The following ARFGEF3 variants were observed in gnomAD, a reference collection of about 807,000 sequenced individuals.
ARFGEF3 encodes brefeldin A-inhibited guanine nucleotide-exchange protein 3.
Under a neutral mutation model 221.7 loss-of-function variants are expected in ARFGEF3, and 96 were observed. The ratio of observed to expected loss-of-function variants is 0.43; its 90% CI spans 0.37 to 0.51. The LOEUF is 0.51. Ranked by LOEUF, ARFGEF3 falls within the 20% of genes least tolerant of loss-of-function variation. The pLI, the probability that ARFGEF3 is intolerant of heterozygous loss-of-function variation, is 0.00. For missense variants in ARFGEF3, 2,410 were observed against 2,789.9 expected (o/e 0.86, Z 3.07); for synonymous variants, 1,145 against 1,126.8 (o/e 1.02, Z -0.32).
intron 25 of ARFGEF3, among the ~76,000 whole-genome samples, chr6:138,313,004 C>T (rs1221165891): frequency 6.6e-6 from 1 of 152,170 alleles, no homozygotes; most frequent in Admixed American, 6.5e-5. Context: ...CCCACCAGGC[C>T]CAGCCTTCAC....
rs777291622 is a variant in ARFGEF3, at chr6:138,263,481, G to A, written c.1998G>A (p.Gln666=). ...TGTCTCTAAAACTGCTGAAGAACCA[G>A]GAGGCGGATCAGCACAGCGCCAGGC... ...AALSLKLLKN[Q]EADQHSARLF... Residue 666 remains glutamine (Q), a synonymous_variant, in exon 12 of 34, where the codon CAG becomes CAA. Transcript: ENST00000251691. 3.1e-5 allele frequency: 50 copies of A among 1,613,784 alleles called. No homozygotes were observed. In the Admixed American group the frequency reaches 8.0e-4, roughly 26 times the overall value.
intron 21 of ARFGEF3, among the ~76,000 whole-genome samples, chr6:138,298,282 C>G (rs748368767): frequency 3.3e-5 from 5 of 152,220 alleles, no homozygotes; most frequent in Non-Finnish European, 7.3e-5. Flanking sequence ...TGAGCCATTC[C>G]TAGACTGGGT....
Position 138,255,639 on chromosome 6 carries a change from T to C in ARFGEF3, c.974T>C (p.Ile325Thr). The change falls in exon 10 of 34, where the codon ATC (isoleucine) becomes ACC (threonine). Residue 325 changes from isoleucine to threonine, a missense_variant. Coordinates refer to ENST00000251691, the MANE Select transcript of ARFGEF3 (RefSeq NM_020340.5). ...SGPVARTIYYIAAELVRLVGS... is the reference protein window; with the variant it reads ...SGPVARTIYYTAAELVRLVGS... ...CCTGTGGCTCGGACTATCTATTACA[T>C]CGCAGCCGAGCTGGTCCGGCTGGTG... 6.2e-7 allele frequency: 1 copy of C among 1,613,880 alleles called. No individual in the cohort carries two copies. Among genetic ancestry groups the C allele is most frequent in the South Asian group, 1.1e-5 (1 of 91,072 alleles).
At chr6:138,170,629 A>G in intron 1 of ARFGEF3, 33 bp from the exon 2 acceptor site, 1 of 1,258,958 alleles carries the variant, frequency 7.9e-7, no homozygotes, top group Non-Finnish European at 1.2e-6. Context: ...GTGTTTAAAT[A>G]TTTATTTTAA....
chr6:138,202,387 TAGG>T (rs1427983521), intron 2 of ARFGEF3, among the ~76,000 whole-genome samples: 1 of 152,042 alleles, frequency 6.6e-6, no homozygotes, highest in Admixed American at 6.6e-5. Context: ...AAAATGAAGG[TAGG>T]AGGGTTTTTA....
chr6:138,176,598 T>C (rs188252817), intron 2 of ARFGEF3, among the ~76,000 whole-genome samples: 205 of 152,324 alleles, frequency 1.3e-3, no homozygotes, highest in Admixed American at 6.9e-3. Flanking sequence ...CACGTTGTCA[T>C]TTAGATTCTT....
intron 2 of ARFGEF3, among the ~76,000 whole-genome samples, chr6:138,197,280 T>C (rs1177304582): frequency 6.6e-6 from 1 of 152,194 alleles, no homozygotes; most frequent in Non-Finnish European, 1.5e-5. Context: ...TCAGGGTCAG[T>C]AAAATGCATG....
chr6:138,234,475 CGTGTGTGTGT>C (rs10642229), intron 5 of ARFGEF3, among the ~76,000 whole-genome samples: 1 of 148,090 alleles, frequency 6.8e-6, no homozygotes, highest in Non-Finnish European at 1.5e-5. Context: ...CAGTTCACCC[CGTGTGTGTGT>C]GTGTGTGTGT....
chr6:138,260,340 A>C (rs1377819987), intron 10 of ARFGEF3, among the ~76,000 whole-genome samples: 1 of 152,222 alleles, frequency 6.6e-6, no homozygotes, highest in East Asian at 1.9e-4. Flanking sequence ...CTTTGCTTGG[A>C]GTATCAATCA....
At chr6:138,197,372 T>A (rs1777449387) in intron 2 of ARFGEF3, among the ~76,000 whole-genome samples, 1 of 152,190 alleles carries the variant, frequency 6.6e-6, no homozygotes, top group South Asian at 2.1e-4. Context: ...TACAGTTAAC[T>A]TTTTTCTTTA....
chr6:138,328,159 C>G lies in ARFGEF3; in HGVS notation c.5123+17C>G. On this transcript the variant is annotated intron_variant, in intron 32 of 33. Transcript: ENST00000251691. ...CAAGAAAAGGTAAGTACCTAAATCTCAACTCATAGGGTGCTTATAAATAAG... is the reference window on the plus strand; with the variant it reads ...CAAGAAAAGGTAAGTACCTAAATCTGAACTCATAGGGTGCTTATAAATAAG... 1.9e-6 allele frequency: 3 copies of G among 1,586,154 alleles called. No individual in the cohort carries two copies. Among genetic ancestry groups the G allele is most frequent in the Non-Finnish European group, 2.6e-6 (3 of 1,165,342 alleles).
chr6:138,269,664 C>T (rs946672378), intron 12 of ARFGEF3, among the ~76,000 whole-genome samples: 9 of 151,892 alleles, frequency 5.9e-5, no homozygotes, highest in Non-Finnish European at 1.0e-4. Context: ...CAAAATTAGC[C>T]GGGCATGGTG....
At chr6:138,303,021 C>T (rs887054494) in intron 22 of ARFGEF3, among the ~76,000 whole-genome samples, 3 of 152,094 alleles carry the variant, frequency 2.0e-5, no homozygotes, top group South Asian at 2.1e-4. Flanking sequence ...AAAAACCTAA[C>T]GTTTAAAGCA....
intron 1 of ARFGEF3, among the ~76,000 whole-genome samples, chr6:138,164,052 C>T (rs1316365028): frequency 6.6e-6 from 1 of 152,106 alleles, no homozygotes; most frequent in Non-Finnish European, 1.5e-5. Context: ...TGGTAATGAG[C>T]AATGGGATAT....
At chr6:138,279,868 G>A (rs893033090) in intron 13 of ARFGEF3, 131 bp from the exon 14 acceptor site, 10 of 805,610 alleles carry the variant, frequency 1.2e-5, no homozygotes, top group Admixed American at 1.0e-4. Context: ...CCCACTTGCC[G>A]CCCCCTTACC....
At chr6:138,244,516 C>T (rs1040132632) in intron 7 of ARFGEF3, among the ~76,000 whole-genome samples, 8 of 152,196 alleles carry the variant, frequency 5.3e-5, no homozygotes, top group South Asian at 4.1e-4. Context: ...CAGCAGTTTT[C>T]GATATGTAGT....
Position 138,334,660 on chromosome 6 carries a change from C to T in ARFGEF3, c.5814C>T (p.Phe1938=). 1 of 1,613,294 alleles carries T rather than the reference C, an allele frequency of 6.2e-7. No individual in the cohort carries two copies. The highest frequency in any genetic ancestry group is 8.5e-7 in the Non-Finnish European group (1 of 1,179,460). Residue 1938 remains phenylalanine (F), a synonymous_variant, in exon 33 of 34, where the codon TTC becomes TTT. Coordinates refer to ENST00000251691, the MANE Select transcript of ARFGEF3 (RefSeq NM_020340.5). The surrounding 1 kb of genome is among the most constrained non-coding windows in gnomAD (Gnocchi z 5.1). ...EPPIFKGDPF[F]ILPSFQSESS... ...CCATCTTCAAGGGCGACCCGTTCTT[C>T]ATCCTGCCCTCCTTCCAGTCCGAGT...
chr6:138,243,391 A>G (rs766700162), intron 7 of ARFGEF3, among the ~76,000 whole-genome samples: 4 of 152,198 alleles, frequency 2.6e-5, no homozygotes. Flanking sequence ...TTTGTCAAAT[A>G]CCAATTTTTT....
intron 6 of ARFGEF3, among the ~76,000 whole-genome samples, chr6:138,241,257 C>G (rs1025538711): frequency 1.3e-5 from 2 of 152,166 alleles, no homozygotes; most frequent in African/African-American, 4.8e-5. Context: ...TGATTACAAG[C>G]CCATCTTCCC....
Sources: gnomAD v4.1 joint callset for allele counts (sites outside exome capture counted in the v4.1 genomes callset) on GRCh38, gnomAD v4.1.1 for gene constraint, Gnocchi (gnomAD v3.1) non-coding constraint, MANE v1.5 for transcripts, NCBI Gene and HGNC (gene_info 2026-07-23, HGNC 2026-07-21) for gene names.